Variants in MARK1 observed in about 807,000 individuals in gnomAD.
The protein encoded by MARK1 is serine/threonine-protein kinase MARK1.
MARK1 carries 40 observed loss-of-function variants against 96.3 expected under a neutral mutation model. The observed-to-expected ratio is 0.42, with a 90% confidence interval of 0.32 to 0.54. The LOEUF (loss-of-function observed/expected upper bound fraction) is 0.54. Ranked by LOEUF, MARK1 falls within the 20% of genes least tolerant of loss-of-function variation. The pLI, the probability that MARK1 is intolerant of heterozygous loss-of-function variation, is 0.16. For missense variants in MARK1, 719 were observed against 984.6 expected, an observed-to-expected ratio of 0.73 and a Z score of 3.61; for synonymous variants, 317 against 341.2, an observed-to-expected ratio of 0.93 and a Z score of 0.78.
At chr1:220,651,272 A>G (rs1039253306) in intron 14 of MARK1, among the ~76,000 whole-genome samples, 1 of 152,188 alleles carries the variant, frequency 6.6e-6, no homozygotes, top group Non-Finnish European at 1.5e-5. Context: ...TAGTACAAAG[A>G]CATGGAGCCT....
At chr1:220,615,127 GCTTT>G (rs1248633366) in intron 6 of MARK1, among the ~76,000 whole-genome samples, 3 of 152,152 alleles carry the variant, frequency 2.0e-5, no homozygotes, top group East Asian at 3.9e-4. Context: ...GCTATCAGAT[GCTTT>G]CTATTTCTGT....
intron 11 of MARK1, among the ~76,000 whole-genome samples, chr1:220,634,612 C>T (rs186551425): frequency 2.6e-5 from 4 of 152,298 alleles, no homozygotes; most frequent in Non-Finnish European, 5.9e-5. Context: ...ATTATGTGCT[C>T]TGCATTAGCT....
intron 16 of MARK1, among the ~76,000 whole-genome samples, chr1:220,653,617 G>T (rs1484175840): frequency 1.3e-5 from 2 of 152,052 alleles, no homozygotes; most frequent in Non-Finnish European, 2.9e-5. Flanking sequence ...TCAAAAATGT[G>T]TGTTTTAACA....
At chr1:220,643,348 G>A (rs1379873365) in intron 13 of MARK1, among the ~76,000 whole-genome samples, 1 of 152,150 alleles carries the variant, frequency 6.6e-6, no homozygotes, top group African/African-American at 2.4e-5. Flanking sequence ...TCAGTTTGAA[G>A]ACTGTCTTGG....
intron 3 of MARK1, among the ~76,000 whole-genome samples, chr1:220,592,571 A>G (rs1415875588): frequency 1.3e-5 from 2 of 152,220 alleles, no homozygotes; most frequent in Non-Finnish European, 2.9e-5. Flanking sequence ...CAGAAGACCC[A>G]GTTAAGTCAG....
At chr1:220,569,257 A>G (rs1463285718) in intron 1 of MARK1, among the ~76,000 whole-genome samples, 2 of 152,124 alleles carry the variant, frequency 1.3e-5, no homozygotes, top group Non-Finnish European at 1.5e-5. Flanking sequence ...GAAGTTTAGT[A>G]TTTTAAAATT....
In MARK1 at chr1:220,528,787, G is replaced by T. The variant is rs1445192144; in HGVS notation, c.-36G>T. On this transcript the variant is annotated 5_prime_UTR_variant, in exon 1 of 18. Transcript: ENST00000366917. ...CCGGGGCCCGCACCACAGCCCGGCC[G>T]GCGAGACCCCGGCCAGACCCCGCTG... is the stretch of plus-strand genomic sequence containing the variant. 2 of 1,542,850 alleles carry T rather than the reference G, an allele frequency of 1.3e-6. No homozygotes were observed. The highest frequency in any genetic ancestry group is 2.8e-5 in the African/African-American group (2 of 72,038).
chr1:220,646,906 A>C (rs1439009167), intron 13 of MARK1, among the ~76,000 whole-genome samples: 2 of 152,226 alleles, frequency 1.3e-5, no homozygotes, highest in African/African-American at 4.8e-5. Flanking sequence ...AATTAACTCA[A>C]GATGGAGTAA....
intron 13 of MARK1, among the ~76,000 whole-genome samples, chr1:220,640,856 C>T (rs1406261419): frequency 6.6e-6 from 1 of 152,202 alleles, no homozygotes; most frequent in Non-Finnish European, 1.5e-5. Flanking sequence ...AGCCTAATCA[C>T]CTCTTATCAG....
intron 6 of MARK1, among the ~76,000 whole-genome samples, chr1:220,608,267 C>G (rs546138378): frequency 6.6e-6 from 1 of 152,242 alleles, no homozygotes; most frequent in Admixed American, 6.5e-5. Flanking sequence ...TCAACGTACT[C>G]CTCGTTTAGT....
chr1:220,567,237 G>A (rs1441149730), intron 1 of MARK1, among the ~76,000 whole-genome samples: 4 of 152,034 alleles, frequency 2.6e-5, no homozygotes, highest in Non-Finnish European at 5.9e-5. Flanking sequence ...GCTACTGATG[G>A]CTATTTAGGT....
chr1:220,564,999 A>G (rs774377947), intron 1 of MARK1, among the ~76,000 whole-genome samples: 1 of 152,056 alleles, frequency 6.6e-6, no homozygotes, highest in Non-Finnish European at 1.5e-5. Context: ...CAGAGAAGAA[A>G]CTTGCTTATA....
chr1:220,561,877 A>G (rs1372421849), intron 1 of MARK1, among the ~76,000 whole-genome samples: 1 of 152,182 alleles, frequency 6.6e-6, no homozygotes, highest in Admixed American at 6.5e-5. Flanking sequence ...AATAAAAATA[A>G]AAATCTATTG....
intron 5 of MARK1, among the ~76,000 whole-genome samples, chr1:220,602,588 G>C (rs1337570): frequency 0.94 from 142,869 of 152,152 alleles, 67,785 homozygotes; most frequent in East Asian, 1. Context: ...CCTAAACTCA[G>C]ATATCTAGAA....
intron 13 of MARK1, among the ~76,000 whole-genome samples, chr1:220,639,459 A>G (rs1668150880): frequency 6.6e-6 from 1 of 152,136 alleles, no homozygotes; most frequent in African/African-American, 2.4e-5. Context: ...ATTGGTATTA[A>G]CAGATAGATA....
At chr1:220,530,727 A>C (rs1169341937) in intron 1 of MARK1, among the ~76,000 whole-genome samples, 1 of 152,168 alleles carries the variant, frequency 6.6e-6, no homozygotes, top group African/African-American at 2.4e-5. Flanking sequence ...TTTTGTTGTG[A>C]GTACCTTCTG....
intron 6 of MARK1, among the ~76,000 whole-genome samples, chr1:220,609,242 A>G (rs1666279823): frequency 6.6e-6 from 1 of 152,200 alleles, no homozygotes; most frequent in Non-Finnish European, 1.5e-5. Context: ...GTGCTCCTGT[A>G]TTGGATGAAT....
At chr1:220,644,457 C>CA (rs1288079582) in intron 13 of MARK1, among the ~76,000 whole-genome samples, 5 of 139,490 alleles carry the variant, frequency 3.6e-5, no homozygotes, top group African/African-American at 1.4e-4. Flanking sequence ...AGACCCCCCC[C>CA]CCCCCACACA....
chr1:220,544,017 T>C (rs968756835), intron 1 of MARK1, among the ~76,000 whole-genome samples: 2 of 152,172 alleles, frequency 1.3e-5, no homozygotes, highest in African/African-American at 4.8e-5. Flanking sequence ...ATGGAAAAAA[T>C]GATAAGTCAA....
Sources: gnomAD v4.1 joint callset for allele counts (sites outside exome capture counted in the v4.1 genomes callset) on GRCh38, gnomAD v4.1.1 for gene constraint, MANE v1.5 for transcripts, NCBI Gene and HGNC (gene_info 2026-07-23, HGNC 2026-07-21) for gene names.